TBC1D19: variants seen among roughly 807,000 people sequenced by gnomAD.
TBC1D19 encodes the protein TBC1 domain family, member 19.
A neutral mutation model predicts 89.0 loss-of-function variants in TBC1D19; 60 were observed. The observed-to-expected ratio is 0.67, with a 90% CI of 0.55 to 0.84. The LOEUF (loss-of-function observed/expected upper bound fraction) is 0.84, where lower values mean the gene tolerates loss of function less well. Among genes scored for constraint, TBC1D19 ranks in the 40% least tolerant of loss-of-function variants. The pLI is 0.00. For synonymous variants in TBC1D19, 189 were observed against 199.7 expected (o/e 0.95, Z 0.45); for missense variants, 500 against 610.8 (o/e 0.82, Z 1.91).
At chr4:26,631,363 T>G (rs1742798656) in intron 4 of TBC1D19, among the ~76,000 whole-genome samples, 1 of 152,106 alleles carries the variant, frequency 6.6e-6, no homozygotes, top group Non-Finnish European at 1.5e-5. Context: ...TATATCTGTC[T>G]TATCCTCCTG....
intron 15 of TBC1D19, among the ~76,000 whole-genome samples, chr4:26,733,599 CTG>C (rs1717795897): frequency 6.6e-6 from 1 of 152,154 alleles, no homozygotes; most frequent in Non-Finnish European, 1.5e-5. Flanking sequence ...GGAGTTTCTA[CTG>C]ATAATTCTAG....
chr4:26,754,021 A>C, intron 20 of TBC1D19, 131 bp downstream of exon 20: 1 of 814,030 alleles, frequency 1.2e-6, no homozygotes, highest in Admixed American at 2.3e-5. Flanking sequence ...AAACCTGTTA[A>C]GTTCTGAGCT....
At chr4:26,588,166 C>T (rs1216892634) in intron 1 of TBC1D19, among the ~76,000 whole-genome samples, 2 of 151,874 alleles carry the variant, frequency 1.3e-5, no homozygotes, top group Non-Finnish European at 2.9e-5. Flanking sequence ...GCTGGGACTA[C>T]AGGCGCCTGC....
At chr4:26,834,074 T>G in the TBC1D19 span, among the ~76,000 whole-genome samples, 1 of 152,146 alleles carries the variant, frequency 6.6e-6, no homozygotes, top group Admixed American at 6.5e-5. Flanking sequence ...TGTTTATAAG[T>G]GTATGGCCCC....
At chr4:26,773,660 T>A in the TBC1D19 span, among the ~76,000 whole-genome samples, 29 of 152,162 alleles carry the variant, frequency 1.9e-4, no homozygotes, top group African/African-American at 6.7e-4. Context: ...AAGGAAGGAG[T>A]TCAGTTTCAA....
intron 20 of TBC1D19, chr4:26,754,208 C>A (rs896516836): frequency 2.3e-5 from 5 of 220,550 alleles, no homozygotes; most frequent in Non-Finnish European, 2.7e-5. Context: ...CATGTCCATG[C>A]ATTATTTTCA....
intron 7 of TBC1D19, among the ~76,000 whole-genome samples, chr4:26,643,430 C>T (rs1327838620): frequency 2.6e-5 from 4 of 151,942 alleles, no homozygotes; most frequent in Admixed American, 6.6e-5. Flanking sequence ...TAAAGCAGTG[C>T]GTAGGGGGAA....
chr4:26,845,499 C>A, the TBC1D19 span, among the ~76,000 whole-genome samples: 1 of 152,174 alleles, frequency 6.6e-6, no homozygotes, highest in African/African-American at 2.4e-5. Flanking sequence ...TTTTCATCAT[C>A]CCAAACTGAA....
chr4:26,841,988 G>C, the TBC1D19 span, among the ~76,000 whole-genome samples: 1 of 152,174 alleles, frequency 6.6e-6, no homozygotes, highest in Admixed American at 6.5e-5. Context: ...AACTCACCAT[G>C]ACATGTTGAG....
At chr4:26,781,751 CCTTTGTTTT>C in the TBC1D19 span, among the ~76,000 whole-genome samples, 1 of 150,938 alleles carries the variant, frequency 6.6e-6, no homozygotes, top group African/African-American at 2.4e-5. Flanking sequence ...ACTTAGGTTT[CCTTTGTTTT>C]CTTTTTAAGA....
At chr4:26,600,387 C>T (rs373969696) in intron 1 of TBC1D19, among the ~76,000 whole-genome samples, 99 of 152,256 alleles carry the variant, frequency 6.5e-4, no homozygotes, top group African/African-American at 2.3e-3. Flanking sequence ...AAGAAAGTTC[C>T]TGTCTCCATA....
the TBC1D19 span, among the ~76,000 whole-genome samples, chr4:26,830,008 G>C: frequency 2.0e-5 from 3 of 152,158 alleles, no homozygotes; most frequent in Non-Finnish European, 4.4e-5. Context: ...GGAGCCATCA[G>C]GAGCTGGATT....
At chr4:26,851,843 A>C in the TBC1D19 span, among the ~76,000 whole-genome samples, 1 of 152,134 alleles carries the variant, frequency 6.6e-6, no homozygotes, top group Non-Finnish European at 1.5e-5. Flanking sequence ...CAGCCTCCCA[A>C]TAGCTGGGAC....
At chr4:26,627,231 A>G (rs1347967799) in intron 4 of TBC1D19, among the ~76,000 whole-genome samples, 1 of 151,672 alleles carries the variant, frequency 6.6e-6, no homozygotes, top group Non-Finnish European at 1.5e-5. Context: ...ATCATTTTTT[A>G]TGGCTGCATA....
At chr4:26,696,007 A>G (rs1041187785) in intron 13 of TBC1D19, among the ~76,000 whole-genome samples, 2 of 152,220 alleles carry the variant, frequency 1.3e-5, no homozygotes, top group African/African-American at 4.8e-5. Flanking sequence ...CACACATAAC[A>G]ATATTAACCT....
chr4:26,748,333 G>C (rs1317014279), intron 18 of TBC1D19, 78 bp from the exon 19 acceptor site: 1 of 968,018 alleles, frequency 1.0e-6, no homozygotes, highest in Non-Finnish European at 1.6e-6. Flanking sequence ...AATAGAATTG[G>C]TTGGGTTCTT....
At chr4:26,718,703 G>A (rs1716798536) in intron 14 of TBC1D19, among the ~76,000 whole-genome samples, 1 of 151,996 alleles carries the variant, frequency 6.6e-6, no homozygotes, top group African/African-American at 2.4e-5. Context: ...ACATAACCTT[G>A]TGCTGGATTT....
the TBC1D19 span, among the ~76,000 whole-genome samples, chr4:26,854,086 C>T: frequency 2.6e-5 from 4 of 152,174 alleles, no homozygotes; most frequent in Admixed American, 6.5e-5. Flanking sequence ...CTGGCAGCTA[C>T]ACTATGTGAA....
intron 7 of TBC1D19, among the ~76,000 whole-genome samples, chr4:26,651,073 A>T (rs1744334279): frequency 6.6e-6 from 1 of 152,228 alleles, no homozygotes; most frequent in South Asian, 2.1e-4. Context: ...CCATTGGTCT[A>T]TATCTCTGTT....
Sources: gnomAD v4.1 joint callset for allele counts (sites outside exome capture counted in the v4.1 genomes callset) on GRCh38, gnomAD v4.1.1 for gene constraint, MANE v1.5 for transcripts, NCBI Gene and HGNC (gene_info 2026-07-23, HGNC 2026-07-21) for gene names.